MANBAL: variants seen among roughly 807,000 people sequenced by gnomAD.
MANBAL encodes protein MANBAL.
Under a neutral mutation model 6.4 loss-of-function variants are expected in MANBAL, and 1 was observed. That is an observed-to-expected ratio of 0.16 (90% CI 0.06 to 0.74). The LOEUF is 0.74. MANBAL is among the 30% of genes least tolerant of loss of function. MANBAL has a pLI of 0.78. For missense variants in MANBAL, 100 were observed against 107.8 expected, an observed-to-expected ratio of 0.93 and a Z score of 0.32; for synonymous variants, 47 against 45.8, an observed-to-expected ratio of 1.03 and a Z score of -0.10.
chr20:37,302,053 A>C (rs2069150079), intron 2 of MANBAL, among the ~76,000 whole-genome samples: 1 of 152,202 alleles, frequency 6.6e-6, no homozygotes, highest in Admixed American at 6.5e-5. Flanking sequence ...GACATGGTCA[A>C]ATTGGCTTTT....
chr20:37,307,834 G>A (rs1037285794), intron 2 of MANBAL, among the ~76,000 whole-genome samples: 3 of 152,128 alleles, frequency 2.0e-5, no homozygotes, highest in Non-Finnish European at 4.4e-5. Context: ...GTTTTGCAAG[G>A]GAAATGAAGA....
chr20:37,303,568 A>G (rs1600908409), intron 2 of MANBAL, among the ~76,000 whole-genome samples: 1 of 152,152 alleles, frequency 6.6e-6, no homozygotes, highest in African/African-American at 2.4e-5. Flanking sequence ...ATCCTACTGA[A>G]TCTGAGGTCC....
At position 37,295,061 on chromosome 20, in the gene MANBAL, C is replaced by T. The variant is rs188843782; in HGVS notation, c.-57+5375C>T. Among the ~76,000 whole-genome samples, 13 of 152,312 alleles carry T rather than the reference C, an allele frequency of 8.5e-5. No individual in the cohort carries two copies. In the East Asian group the frequency reaches 2.5e-3, roughly 29 times the overall value. On this transcript the variant is annotated intron_variant, in intron 1 of 2. Transcript: ENST00000373606. ...ACCTGTAAGCAAGTCTGGAGCAGGA[C>T]AGGGCTAGAGACCAGGATAGCAGCT...
chr20:37,311,630 G>A (rs2069389874), intron 2 of MANBAL, among the ~76,000 whole-genome samples: 1 of 152,166 alleles, frequency 6.6e-6, no homozygotes, highest in African/African-American at 2.4e-5. Context: ...TGGGATTACA[G>A]GCATGCACCA....
At position 37,295,834 on chromosome 20, in the gene MANBAL, C is replaced by G. The variant is rs568171086; in HGVS notation, c.-56-5374C>G. On this transcript the variant is annotated intron_variant, in intron 1 of 2. Coordinates refer to ENST00000373606, the MANE Select transcript of MANBAL (RefSeq NM_001003897.2). The stretch of plus-strand genomic sequence containing the variant: ...TGGAACAATGGCCAGGGAACAAAAC[C>G]TGTCACAGCCAGTCGAAGGGGTGTC... Among the ~76,000 whole-genome samples the G allele has an allele frequency of 4.7e-4, 71 of 152,326 alleles. 1 individual carries two copies. Among genetic ancestry groups the G allele is most frequent in the Admixed American group, 5.2e-4 (8 of 15,298 alleles).
intron 2 of MANBAL, among the ~76,000 whole-genome samples, chr20:37,307,072 C>T (rs1280338721): frequency 2.0e-5 from 3 of 152,304 alleles, no homozygotes; most frequent in South Asian, 4.1e-4. Context: ...GTGATCCTCC[C>T]GTCCTCTGCC....
intron 2 of MANBAL, among the ~76,000 whole-genome samples, chr20:37,311,490 GTTTTGAGCGAAACTTT>G (rs975679804): frequency 6.6e-6 from 1 of 152,122 alleles, no homozygotes; most frequent in African/African-American, 2.4e-5. Flanking sequence ...GTTTGTTTTT[GTTTTGAGCGAAACTTT>G]TTTTGAGTTT....
intron 1 of MANBAL, among the ~76,000 whole-genome samples, chr20:37,295,172 G>A (rs1438369647): frequency 1.3e-5 from 2 of 152,110 alleles, no homozygotes; most frequent in East Asian, 3.8e-4. Context: ...TGTTGGTTGA[G>A]GCATCTGCTC....
Position 37,316,671 on chromosome 20 carries a change from G to T in MANBAL, c.*256G>T. On this transcript the variant is annotated 3_prime_UTR_variant, in exon 3 of 3. Coordinates refer to ENST00000373606, the MANE Select transcript of MANBAL (RefSeq NM_001003897.2). ...ACACTGTGAGCATAGACTGTATTAG[G>T]TTTGTTCAGAAGCCGGGTCAGCTCA... 3.2e-6 allele frequency: 1 copy of T among 310,000 alleles called. No homozygotes were observed. Among genetic ancestry groups the T allele is most frequent in the Non-Finnish European group, 6.1e-6 (1 of 165,210 alleles). The allele number at this position is 310,000 out of a possible 1,614,324, so 19.2% of individuals were successfully genotyped here.
chr20:37,305,193 G>A (rs1406482945), intron 2 of MANBAL, among the ~76,000 whole-genome samples: 1 of 152,216 alleles, frequency 6.6e-6, no homozygotes, highest in African/African-American at 2.4e-5. Flanking sequence ...CTCTGTCCCT[G>A]CAGACGTGGC....
chr20:37,313,105 G>A (rs1184931553), intron 2 of MANBAL, among the ~76,000 whole-genome samples: 11 of 152,208 alleles, frequency 7.2e-5, no homozygotes, highest in African/African-American at 2.2e-4. Context: ...CTGGCTGGGC[G>A]CGGTGGCTCA....
At chr20:37,301,965 G>T (rs2069146944) in intron 2 of MANBAL, among the ~76,000 whole-genome samples, 1 of 152,094 alleles carries the variant, frequency 6.6e-6, no homozygotes, top group Non-Finnish European at 1.5e-5. Flanking sequence ...GGTGACTGTG[G>T]CCAGAGCACA....
intron 1 of MANBAL, among the ~76,000 whole-genome samples, chr20:37,293,663 C>T (rs974550244): frequency 1.3e-5 from 2 of 152,204 alleles, no homozygotes; most frequent in South Asian, 2.1e-4. Context: ...GTGACAAACC[C>T]GACTCCCACC....
intron 1 of MANBAL, among the ~76,000 whole-genome samples, chr20:37,300,257 G>T (rs2069103121): frequency 6.6e-6 from 1 of 152,010 alleles, no homozygotes; most frequent in African/African-American, 2.4e-5. Context: ...GCCTGTACTG[G>T]CCTCATTTCC....
At chr20:37,296,777 A>G (rs999538615) in intron 1 of MANBAL, 1 of 152,146 alleles carries the variant, frequency 6.6e-6, no homozygotes, top group Non-Finnish European at 1.5e-5. Flanking sequence ...CCATTTTTTA[A>G]AAAAAGGCCT....
chr20:37,302,444 A>G (rs1025483532), intron 2 of MANBAL: 3 of 1,207,130 alleles, frequency 2.5e-6, no homozygotes, highest in African/African-American at 3.0e-5. Flanking sequence ...AGGTGGTATC[A>G]GCTGATCCCT....
At chr20:37,290,775 TAAAAA>T (rs943968441) in intron 1 of MANBAL, among the ~76,000 whole-genome samples, 16 of 151,930 alleles carry the variant, frequency 1.1e-4, no homozygotes, top group African/African-American at 3.9e-4. Context: ...TCTTTTTAAT[TAAAAA>T]AAAGTTGAAA....
chr20:37,293,086 G>C (rs949650580), intron 1 of MANBAL, among the ~76,000 whole-genome samples: 2 of 152,228 alleles, frequency 1.3e-5, no homozygotes, highest in African/African-American at 4.8e-5. Flanking sequence ...TAGCTTGGCA[G>C]TCCCCAACCT....
chr20:37,290,302 T>A (rs949445034), intron 1 of MANBAL, among the ~76,000 whole-genome samples: 2 of 152,260 alleles, frequency 1.3e-5, no homozygotes, highest in African/African-American at 4.8e-5. Context: ...GCCCACCGGC[T>A]ACCAGTGTGA....
Sources: allele counts gnomAD v4.1 joint callset (sites outside exome capture counted in the v4.1 genomes callset), GRCh38; gene constraint gnomAD v4.1.1; transcripts MANE v1.5; gene names NCBI Gene and HGNC (gene_info 2026-07-23, HGNC 2026-07-21).